CPS1: variants seen among roughly 807,000 people sequenced by gnomAD.
The protein encoded by CPS1 is carbamoyl-phosphate synthase [ammonia], mitochondrial.
CPS1 carries 109 observed loss-of-function variants against 174.6 expected under a neutral mutation model. The ratio of observed to expected loss-of-function variants is 0.62; its 90% CI spans 0.53 to 0.73. The LOEUF is 0.73. Among genes scored for constraint, CPS1 ranks in the 30% least tolerant of loss-of-function variants. The probability of loss-of-function intolerance (pLI) is 0.00; values close to 1 mark genes in which losing one functional copy is unlikely to be tolerated. For missense variants in CPS1, 1,689 were observed against 1,821.9 expected (o/e 0.93, Z 1.33); for synonymous variants, 637 against 632.0 (o/e 1.01, Z -0.12).
At chr2:210,489,995 C>A (rs1694826982) in intron 1 of CPS1, among the ~76,000 whole-genome samples, 1 of 8,434 alleles carries the variant, frequency 1.2e-4, no homozygotes, top group Non-Finnish European at 2.5e-4. Flanking sequence ...GAGACTCTGT[C>A]TCAAAAAAAA....
intron 1 of CPS1, among the ~76,000 whole-genome samples, chr2:210,478,929 C>CT (rs1694486396): frequency 4.2e-5 from 1 of 23,878 alleles, no homozygotes; most frequent in Non-Finnish European, 1.6e-4. Flanking sequence ...CTCCCCCCTT[C>CT]CCCCCTCCCT....
At chr2:210,508,865 C>G (rs1228022454) in intron 1 of CPS1, among the ~76,000 whole-genome samples, 1 of 152,092 alleles carries the variant, frequency 6.6e-6, no homozygotes. Flanking sequence ...CGATAACAGG[C>G]TCTGAAATTG....
At chr2:210,656,176 G>A (rs1700699110) in intron 29 of CPS1, among the ~76,000 whole-genome samples, 1 of 152,088 alleles carries the variant, frequency 6.6e-6, no homozygotes, top group Non-Finnish European at 1.5e-5. Context: ...CTTTCCCAGT[G>A]CCTAAAAGAT....
At chr2:210,579,329 A>G (rs1266296119) in intron 4 of CPS1, among the ~76,000 whole-genome samples, 2 of 152,168 alleles carry the variant, frequency 1.3e-5, no homozygotes, top group Non-Finnish European at 2.9e-5. Flanking sequence ...GCCCTTCAGA[A>G]AAATGTGTTG....
chr2:210,600,074 C>G (rs1698659068), intron 14 of CPS1, among the ~76,000 whole-genome samples: 1 of 150,260 alleles, frequency 6.7e-6, no homozygotes, highest in Admixed American at 6.6e-5. Flanking sequence ...GTCTCTTTAG[C>G]TAGTTTGGGT....
At chr2:210,625,070 A>G (rs1489740511) in intron 21 of CPS1, among the ~76,000 whole-genome samples, 1 of 152,114 alleles carries the variant, frequency 6.6e-6, no homozygotes, top group African/African-American at 2.4e-5. Flanking sequence ...AGCTGGTATT[A>G]GACCAAATGG....
At chr2:210,555,528 AC>A (rs1276842670), upstream of CPS1, 5 of 439,002 alleles carry the variant, frequency 1.1e-5, no homozygotes, top group African/African-American at 6.1e-5. Context: ...AAGCGTGAGG[AC>A]TTAAATTAAA....
At chr2:210,662,068 A>C (rs1011535473) in intron 32 of CPS1, among the ~76,000 whole-genome samples, 1 of 151,038 alleles carries the variant, frequency 6.6e-6, no homozygotes, top group Admixed American at 6.6e-5. Flanking sequence ...AGCACATGCC[A>C]CCACGCCCAG....
intron 4 of CPS1, 94 bp from the exon 5 acceptor site, chr2:210,579,620 A>G: frequency 1.1e-6 from 1 of 934,852 alleles, no homozygotes; most frequent in East Asian, 2.4e-5. Flanking sequence ...TTTACTGCTC[A>G]AGAAGATAGA....
intron 1 of CPS1, among the ~76,000 whole-genome samples, chr2:210,522,062 C>T (rs2105989166): frequency 6.6e-6 from 1 of 152,046 alleles, no homozygotes; most frequent in African/African-American, 2.4e-5. Flanking sequence ...CTCTAATACT[C>T]TGTGAATTAG....
chr2:210,533,049 G>GGGAAATGTGGGGAA (rs1188474109), intron 1 of CPS1, among the ~76,000 whole-genome samples: 67 of 152,142 alleles, frequency 4.4e-4, no homozygotes, highest in African/African-American at 1.6e-3. Flanking sequence ...AAGAGCAACG[G>GGGAAATGTGGGGAA]TGAGCGGGGA....
At chr2:210,624,229 G>C (rs988720431) in intron 21 of CPS1, among the ~76,000 whole-genome samples, 6 of 151,994 alleles carry the variant, frequency 3.9e-5, no homozygotes, top group African/African-American at 1.4e-4. Context: ...GATATTCTAA[G>C]CCTCAGTTTC....
chr2:210,655,003 G>A (rs1229708296), intron 29 of CPS1, among the ~76,000 whole-genome samples: 3 of 152,110 alleles, frequency 2.0e-5, no homozygotes, highest in East Asian at 1.9e-4. Context: ...CCTGGAAGGT[G>A]GTCATCTGTT....
At chr2:210,532,329 T>C (rs1481841931) in intron 1 of CPS1, among the ~76,000 whole-genome samples, 2 of 152,164 alleles carry the variant, frequency 1.3e-5, no homozygotes, top group East Asian at 1.9e-4. Flanking sequence ...ATGTGTTGCT[T>C]GGAATGTATT....
intron 1 of CPS1, among the ~76,000 whole-genome samples, chr2:210,502,363 C>G (rs966551230): frequency 3.6e-5 from 4 of 112,382 alleles, no homozygotes; most frequent in African/African-American, 1.1e-4. Flanking sequence ...TAATCTCTCT[C>G]TCTCTATATA....
chr2:210,495,047 A>G (rs947991367), intron 1 of CPS1, among the ~76,000 whole-genome samples: 4 of 152,226 alleles, frequency 2.6e-5, no homozygotes, highest in Non-Finnish European at 5.9e-5. Context: ...GGTGATTCTA[A>G]TATGCAGCCA....
intron 1 of CPS1, among the ~76,000 whole-genome samples, chr2:210,488,978 T>C (rs1171247869): frequency 6.6e-6 from 1 of 152,204 alleles, no homozygotes; most frequent in Non-Finnish European, 1.5e-5. Flanking sequence ...TAATTCTTAC[T>C]TTTATACAAA....
At chr2:210,490,487 T>A (rs1574463104) in intron 1 of CPS1, among the ~76,000 whole-genome samples, 2 of 152,224 alleles carry the variant, frequency 1.3e-5, no homozygotes, top group East Asian at 1.9e-4. Flanking sequence ...TTTAAAATGA[T>A]CCATATTAAC....
intron 32 of CPS1, among the ~76,000 whole-genome samples, chr2:210,661,312 C>G (rs978277927): frequency 6.6e-6 from 1 of 152,096 alleles, no homozygotes; most frequent in East Asian, 1.9e-4. Flanking sequence ...AGAATTATGA[C>G]CTTTAACTAC....
Sources: gnomAD v4.1 joint callset for allele counts (sites outside exome capture counted in the v4.1 genomes callset) on GRCh38, gnomAD v4.1.1 for gene constraint, MANE v1.5 for transcripts, NCBI Gene and HGNC (gene_info 2026-07-23, HGNC 2026-07-21) for gene names.